Variants in DIS3L2 observed in about 807,000 individuals in gnomAD.
The protein encoded by DIS3L2 is DIS3-like exonuclease 2.
In DIS3L2, 34 loss-of-function variants were observed where a neutral mutation model predicts 97.5. The ratio of observed to expected loss-of-function variants is 0.35; its 90% confidence interval spans 0.27 to 0.46. The LOEUF (loss-of-function observed/expected upper bound fraction) is 0.46, where lower values mean the gene tolerates loss of function less well. Ranked by LOEUF, DIS3L2 falls within the 20% of genes least tolerant of loss-of-function variation. The pLI, the probability that DIS3L2 is intolerant of heterozygous loss-of-function variation, is 1.00. For missense variants in DIS3L2, 1,038 were observed against 1,146.0 expected, an observed-to-expected ratio of 0.91 and a Z score of 1.36; for synonymous variants, 435 against 445.2, an observed-to-expected ratio of 0.98 and a Z score of 0.29.
rs1697677851 is a variant in DIS3L2 at position 232,115,434 on chromosome 2, G to C, written c.602-15185G>C. On this transcript the variant is annotated intron_variant, in intron 6 of 20. Coordinates refer to ENST00000325385, the MANE Select transcript of DIS3L2 (RefSeq NM_152383.5). Reference sequence around the variant, plus strand: ...AAGTTAAATTTGGTATTTACTGAATGAATGTACAGTATACTCAGGAACCTG... The same window carrying C: ...AAGTTAAATTTGGTATTTACTGAATCAATGTACAGTATACTCAGGAACCTG... Among the ~76,000 whole-genome samples, 3 of 152,186 alleles carry C rather than the reference G, an allele frequency of 2.0e-5. No individual in the cohort carries two copies. The South Asian group carries it at 6.2e-4, about 31-fold the overall frequency.
chr2:232,069,986 G>A (rs1240217464), intron 5 of DIS3L2, among the ~76,000 whole-genome samples: 1 of 152,178 alleles, frequency 6.6e-6, no homozygotes, highest in African/African-American at 2.4e-5. Flanking sequence ...GCTAATAGAG[G>A]CAGTACTAAT....
chr2:232,067,466 A>C (rs759935667), intron 5 of DIS3L2, among the ~76,000 whole-genome samples: 1 of 152,160 alleles, frequency 6.6e-6, no homozygotes, highest in Non-Finnish European at 1.5e-5. Context: ...ACTACTATTC[A>C]TTTCTAATTT....
intron 6 of DIS3L2, among the ~76,000 whole-genome samples, chr2:232,124,871 T>G (rs1698010776): frequency 6.6e-6 from 1 of 152,188 alleles, no homozygotes; most frequent in Non-Finnish European, 1.5e-5. Context: ...AGGATAACCT[T>G]TTCTCATTAA....
At chr2:232,211,455 C>T (rs1263657720) in intron 10 of DIS3L2, among the ~76,000 whole-genome samples, 2 of 152,178 alleles carry the variant, frequency 1.3e-5, no homozygotes. Context: ...ACCCCCAATC[C>T]CTTTTCTAAT....
intron 1 of DIS3L2, among the ~76,000 whole-genome samples, chr2:231,987,069 C>T (rs935334194): frequency 1.3e-5 from 2 of 152,116 alleles, no homozygotes; most frequent in Non-Finnish European, 2.9e-5. Flanking sequence ...GGTTGTCTTG[C>T]ATATTAGAAA....
intron 1 of DIS3L2, among the ~76,000 whole-genome samples, chr2:232,004,539 A>G (rs150276831): frequency 1.3e-5 from 2 of 149,112 alleles, no homozygotes; most frequent in East Asian, 2.0e-4. Flanking sequence ...TATCCACTGA[A>G]TTTTTTATTT....
At chr2:231,961,873 C>G (rs1213781852) in intron 1 of DIS3L2, 108 bp downstream of exon 1, 2 of 152,584 alleles carry the variant, frequency 1.3e-5, no homozygotes, top group Admixed American at 6.5e-5. Flanking sequence ...TCGCCCGGCA[C>G]CTGTGGTGGC....
chr2:232,132,946 G>A (rs1399777799), intron 7 of DIS3L2, among the ~76,000 whole-genome samples: 1 of 152,168 alleles, frequency 6.6e-6, no homozygotes. Flanking sequence ...ATGCAGTCAA[G>A]TATGGGAAGC....
rs573488827 is a variant in DIS3L2 at position 232,181,900 on chromosome 2, C to T, written c.1124+18268C>T. Among the ~76,000 whole-genome samples the T allele has an allele frequency of 1.6e-3, 245 of 152,254 alleles. 2 individuals carry two copies. Among genetic ancestry groups the T allele is most frequent in the African/African-American group, 5.5e-3 (230 of 41,552 alleles). ...CGCCTGACCTCAGGTGATCTGCCCA[C>T]CTCAGCCTCCCAAAGTGCTGGGATT... On this transcript the variant is annotated intron_variant, in intron 9 of 20. Coordinates refer to ENST00000325385, the MANE Select transcript of DIS3L2 (RefSeq NM_152383.5).
chr2:232,243,192 G>C (rs1417620453), intron 11 of DIS3L2, among the ~76,000 whole-genome samples: 1 of 152,208 alleles, frequency 6.6e-6, no homozygotes, highest in Non-Finnish European at 1.5e-5. Flanking sequence ...CACATTTTGA[G>C]TAGAAAATTT....
chr2:232,027,776 G>A (rs1353285730), intron 4 of DIS3L2, among the ~76,000 whole-genome samples: 1 of 152,132 alleles, frequency 6.6e-6, no homozygotes, highest in Admixed American at 6.6e-5. Flanking sequence ...TACAGGATGA[G>A]TAACTTATGT....
At chr2:232,067,210 C>A (rs772448885) in intron 5 of DIS3L2, among the ~76,000 whole-genome samples, 4 of 152,108 alleles carry the variant, frequency 2.6e-5, no homozygotes, top group Admixed American at 2.0e-4. Flanking sequence ...TTCCCACCTC[C>A]AGACTTTTGA....
At chr2:232,241,462 C>T (rs1289042033) in intron 11 of DIS3L2, among the ~76,000 whole-genome samples, 2 of 152,220 alleles carry the variant, frequency 1.3e-5, no homozygotes, top group Non-Finnish European at 2.9e-5. Context: ...GGGATTAACC[C>T]ATGGAGTAGG....
intron 14 of DIS3L2, 150 bp downstream of exon 14, chr2:232,300,269 T>C: frequency 1.4e-6 from 1 of 707,088 alleles, no homozygotes. Flanking sequence ...GGCACAGAAA[T>C]AGTCCTCTTG....
At chr2:232,230,716 G>C (rs1574960291) in intron 10 of DIS3L2, among the ~76,000 whole-genome samples, 1 of 152,216 alleles carries the variant, frequency 6.6e-6, no homozygotes, top group Non-Finnish European at 1.5e-5. Context: ...GTGAGAAAGT[G>C]AGTATGGTAC....
chr2:232,096,953 T>C (rs1028962135), intron 6 of DIS3L2, among the ~76,000 whole-genome samples: 1 of 152,250 alleles, frequency 6.6e-6, no homozygotes, highest in Non-Finnish European at 1.5e-5. Context: ...GAGGTTATGT[T>C]TTCCCAGATG....
chr2:232,051,591 T>A (rs535155234), intron 5 of DIS3L2, among the ~76,000 whole-genome samples: 211 of 151,810 alleles, frequency 1.4e-3, no homozygotes, highest in Non-Finnish European at 2.4e-3. Context: ...GGCGGGCGGA[T>A]CACGAGGTCA....
chr2:232,324,135 C>G (rs1448810114), intron 14 of DIS3L2, among the ~76,000 whole-genome samples: 1 of 152,174 alleles, frequency 6.6e-6, no homozygotes, highest in Non-Finnish European at 1.5e-5. Flanking sequence ...GGTTGCCCAG[C>G]CATGGAGAAG....
intron 14 of DIS3L2, 28 bp from the exon 15 acceptor site, chr2:232,329,785 T>TGCCCGGGGGGCG: frequency 1.0e-6 from 1 of 967,144 alleles, no homozygotes; most frequent in Non-Finnish European, 1.5e-6. Flanking sequence ...ACCCCAGCGG[T>TGCCCGGGGGGCG]CCCTCCCATC....
Sources: gnomAD v4.1 joint callset for allele counts (sites outside exome capture counted in the v4.1 genomes callset) on GRCh38, gnomAD v4.1.1 for gene constraint, MANE v1.5 for transcripts, NCBI Gene and HGNC (gene_info 2026-07-23, HGNC 2026-07-21) for gene names.